ARHGAP26: variants seen among roughly 807,000 people sequenced by gnomAD.
ARHGAP26 encodes the protein rho GTPase-activating protein 26.
In ARHGAP26, 38 loss-of-function variants were observed where a neutral mutation model predicts 104.8. The observed-to-expected ratio is 0.36, with a 90% CI of 0.28 to 0.48. The LOEUF is 0.48. Ranked by LOEUF, ARHGAP26 falls within the 20% of genes least tolerant of loss-of-function variation. The probability of loss-of-function intolerance (pLI) is 0.99; values close to 1 mark genes in which losing one functional copy is unlikely to be tolerated. For synonymous variants in ARHGAP26, 341 were observed against 340.0 expected (o/e 1.00, Z -0.03); for missense variants, 704 against 947.9 (o/e 0.74, Z 3.38).
Position 142,770,818 on chromosome 5 carries a change from A to G in ARHGAP26, c.57A>G (p.Arg19=), listed in dbSNP as rs779808075. Residue 19 remains arginine, a synonymous_variant, in exon 1 of 23, where the codon CGA becomes CGG. Coordinates refer to ENST00000645722, the MANE Select transcript of ARHGAP26 (RefSeq NM_001135608.3). ...SDCCLDSPHF[R]ETLKSHEAEL... Reference sequence around the variant, plus strand: ...GCTGCCTCGATAGTCCGCACTTCCGAGAGACGCTCAAGTCGCACGAAGCAG... The same window carrying G: ...GCTGCCTCGATAGTCCGCACTTCCGGGAGACGCTCAAGTCGCACGAAGCAG... The G allele has an allele frequency of 2.8e-5, 45 of 1,608,984 alleles. No homozygotes were observed. In the South Asian group the frequency reaches 4.9e-4, roughly 17 times the overall value.
intron 14 of ARHGAP26, among the ~76,000 whole-genome samples, chr5:143,053,407 A>G (rs1432629181): frequency 2.0e-5 from 3 of 152,052 alleles, no homozygotes; most frequent in Admixed American, 6.5e-5. Context: ...AGCCAGTATG[A>G]GGGAGCTGGA....
intron 1 of ARHGAP26, among the ~76,000 whole-genome samples, chr5:142,869,714 A>G (rs1052274780): frequency 6.6e-6 from 1 of 152,254 alleles, no homozygotes; most frequent in Non-Finnish European, 1.5e-5. Context: ...TACAACTTGT[A>G]TAAAATTAAG....
intron 1 of ARHGAP26, among the ~76,000 whole-genome samples, chr5:142,866,504 A>T (rs1561979502): frequency 6.6e-6 from 1 of 152,224 alleles, no homozygotes; most frequent in Non-Finnish European, 1.5e-5. Flanking sequence ...TAATGTATAT[A>T]ATATATTCAT....
rs191277270 is a variant in ARHGAP26, at chr5:143,198,122, G to A, written c.1989-9076G>A. Among the ~76,000 whole-genome samples, 335 of 152,234 alleles carry A rather than the reference G, an allele frequency of 2.2e-3. 1 individual carries two copies. The highest frequency in any genetic ancestry group is 5.6e-3 in the Admixed American group (86 of 15,288). On this transcript the variant is annotated intron_variant, in intron 20 of 22. Transcript: ENST00000645722. ...AGATTGGATGTAGTAGCACTATTGC[G>A]TCCCTTTTATTTGTATGTTACTTGA...
chr5:143,026,548 A>G (rs1452228690), intron 12 of ARHGAP26, among the ~76,000 whole-genome samples: 2 of 152,128 alleles, frequency 1.3e-5, no homozygotes, highest in Non-Finnish European at 2.9e-5. Flanking sequence ...ACATGTGCAG[A>G]GGCCCTGAGG....
At chr5:142,980,762 T>C (rs1389799591) in intron 11 of ARHGAP26, among the ~76,000 whole-genome samples, 3 of 152,158 alleles carry the variant, frequency 2.0e-5, no homozygotes, top group Non-Finnish European at 4.4e-5. Context: ...AGTGGGATTG[T>C]TGGATCATAA....
chr5:142,890,357 G>A (rs1222790045), intron 5 of ARHGAP26, among the ~76,000 whole-genome samples: 3 of 150,810 alleles, frequency 2.0e-5, no homozygotes, highest in Non-Finnish European at 3.0e-5. Context: ...GAAAGAAAGC[G>A]GTTTGGAGTG....
chr5:143,129,184 A>C (rs553359449), intron 18 of ARHGAP26, among the ~76,000 whole-genome samples: 1 of 152,250 alleles, frequency 6.6e-6, no homozygotes, highest in Non-Finnish European at 1.5e-5. Flanking sequence ...GTTAAGATCA[A>C]TGTTTTGCAA....
intron 11 of ARHGAP26, among the ~76,000 whole-genome samples, chr5:142,943,324 T>G (rs1457387506): frequency 2.0e-5 from 3 of 152,212 alleles, no homozygotes; most frequent in African/African-American, 7.2e-5. Context: ...ATAAACTGGG[T>G]AGTATAGAAA....
At chr5:142,823,064 A>G (rs748025787) in intron 1 of ARHGAP26, among the ~76,000 whole-genome samples, 14 of 152,230 alleles carry the variant, frequency 9.2e-5, no homozygotes, top group African/African-American at 1.4e-4. Flanking sequence ...GTATAATTCA[A>G]TAACCTTATA....
At chr5:142,774,335 A>G (rs759290076) in intron 1 of ARHGAP26, among the ~76,000 whole-genome samples, 20 of 152,016 alleles carry the variant, frequency 1.3e-4, no homozygotes, top group Admixed American at 1.0e-3. Context: ...GGACTGAAAA[A>G]ATTTGCATCC....
At chr5:143,106,353 C>A (rs1794015565) in intron 17 of ARHGAP26, among the ~76,000 whole-genome samples, 2 of 151,922 alleles carry the variant, frequency 1.3e-5, no homozygotes, top group Non-Finnish European at 2.9e-5. Context: ...GTGCGGGTAA[C>A]CACATGGTGG....
intron 17 of ARHGAP26, among the ~76,000 whole-genome samples, chr5:143,096,605 G>A (rs1051164994): frequency 1.3e-4 from 20 of 151,778 alleles, no homozygotes; most frequent in African/African-American, 2.4e-4. Flanking sequence ...TTCCTCCTTC[G>A]TTATTATATA....
chr5:142,951,021 T>A (rs1363844901), intron 11 of ARHGAP26, among the ~76,000 whole-genome samples: 2 of 145,812 alleles, frequency 1.4e-5, no homozygotes, highest in East Asian at 4.0e-4. Flanking sequence ...CCCTTTCCCT[T>A]TCTCTTTCCC....
intron 11 of ARHGAP26, among the ~76,000 whole-genome samples, chr5:142,981,578 T>G (rs943283384): frequency 3.9e-5 from 6 of 152,224 alleles, no homozygotes; most frequent in South Asian, 2.1e-4. Context: ...TTGGAACGTT[T>G]TTTGAAGCCA....
intron 17 of ARHGAP26, among the ~76,000 whole-genome samples, chr5:143,120,140 T>C (rs976871751): frequency 1.3e-5 from 2 of 152,234 alleles, no homozygotes; most frequent in African/African-American, 4.8e-5. Flanking sequence ...TTTTAACTTA[T>C]TTGTTGCCAA....
chr5:143,083,812 T>A (rs1352256058), intron 17 of ARHGAP26, among the ~76,000 whole-genome samples: 1 of 152,232 alleles, frequency 6.6e-6, no homozygotes, highest in Non-Finnish European at 1.5e-5. Flanking sequence ...TTTTTATTTC[T>A]TAACTCCGAT....
At chr5:142,870,205 T>A (rs952725828) in intron 1 of ARHGAP26, among the ~76,000 whole-genome samples, 3 of 152,182 alleles carry the variant, frequency 2.0e-5, no homozygotes, top group African/African-American at 7.2e-5. Flanking sequence ...GCCTCTTCTC[T>A]TTTCTCTCTC....
intron 1 of ARHGAP26, among the ~76,000 whole-genome samples, chr5:142,792,115 A>G (rs1759971481): frequency 6.6e-6 from 1 of 152,168 alleles, no homozygotes; most frequent in Admixed American, 6.6e-5. Flanking sequence ...GGCCTCTCAT[A>G]CATTGTTTGC....
Sources: gnomAD v4.1 joint callset for allele counts (sites outside exome capture counted in the v4.1 genomes callset) on GRCh38, gnomAD v4.1.1 for gene constraint, MANE v1.5 for transcripts, NCBI Gene and HGNC (gene_info 2026-07-23, HGNC 2026-07-21) for gene names.